Variants in OCA2 observed in about 807,000 individuals in gnomAD.
OCA2 encodes the protein OCA2 melanosomal transmembrane protein.
In OCA2, 77 loss-of-function variants were observed where a neutral mutation model predicts 100.2. The ratio of observed to expected loss-of-function variants is 0.77; its 90% confidence interval spans 0.64 to 0.93. OCA2 has a LOEUF of 0.93. Among genes scored for constraint, OCA2 ranks in the 40% least tolerant of loss-of-function variants. The pLI is 0.00. For missense variants in OCA2, 1,062 were observed against 1,089.1 expected, an observed-to-expected ratio of 0.98 and a Z score of 0.35; for synonymous variants, 432 against 439.2, an observed-to-expected ratio of 0.98 and a Z score of 0.21.
the OCA2 span, among the ~76,000 whole-genome samples, chr15:27,741,525 G>A: frequency 2.6e-5 from 4 of 152,340 alleles, no homozygotes; most frequent in South Asian, 6.2e-4. Context: ...TGCATCTGGC[G>A]GTGGGACAGA....
intron 2 of OCA2, among the ~76,000 whole-genome samples, chr15:28,055,298 T>C (rs1476693924): frequency 6.6e-6 from 1 of 152,220 alleles, no homozygotes; most frequent in African/African-American, 2.4e-5. Context: ...CGTGTTTCTC[T>C]TCACATATTT....
chr15:27,747,407 G>A, the OCA2 span, among the ~76,000 whole-genome samples: 3 of 152,208 alleles, frequency 2.0e-5, no homozygotes, highest in African/African-American at 7.2e-5. Context: ...TGACATTGTG[G>A]TGTATAACAG....
intron 14 of OCA2, among the ~76,000 whole-genome samples, chr15:27,978,683 G>A (rs935002522): frequency 1.2e-4 from 18 of 152,020 alleles, no homozygotes; most frequent in African/African-American, 3.9e-4. Flanking sequence ...GAGAGAGAGA[G>A]AGAGACATTT....
intron 2 of OCA2, among the ~76,000 whole-genome samples, chr15:28,032,783 ACT>A (rs1203873030): frequency 7.6e-6 from 1 of 132,368 alleles, no homozygotes; most frequent in African/African-American, 3.0e-5. Context: ...ACAGAGCGAG[ACT>A]CTGTCTCAAA....
At chr15:27,951,164 CT>C (rs2040014136) in intron 18 of OCA2, among the ~76,000 whole-genome samples, 1 of 152,160 alleles carries the variant, frequency 6.6e-6, no homozygotes, top group Non-Finnish European at 1.5e-5. Flanking sequence ...TGAGCTCCCC[CT>C]GAGAGAGCCA....
chr15:27,752,800 ACCCC>A (rs56383302), downstream of OCA2, among the ~76,000 whole-genome samples: 31,504 of 74,218 alleles, frequency 0.42, 2,562 homozygotes, highest in Middle Eastern at 0.56. Context: ...CTGGTCCCCC[ACCCC>A]CCCCCCCCCC....
intron 21 of OCA2, among the ~76,000 whole-genome samples, chr15:27,858,882 AG>A (rs1169535995): frequency 6.6e-6 from 1 of 152,076 alleles, no homozygotes; most frequent in East Asian, 1.9e-4. Context: ...ACTAGAAATC[AG>A]TAACAGAAGG....
intron 19 of OCA2, among the ~76,000 whole-genome samples, chr15:27,894,410 G>A (rs1373994147): frequency 2.0e-5 from 3 of 152,198 alleles, no homozygotes; most frequent in Non-Finnish European, 4.4e-5. Flanking sequence ...CAGGAATGTG[G>A]CCATAGAATT....
chr15:28,069,365 T>TCTCCCC (rs2044126659), intron 2 of OCA2, among the ~76,000 whole-genome samples: 1 of 7,344 alleles, frequency 1.4e-4, no homozygotes, highest in Non-Finnish European at 2.1e-4. Flanking sequence ...GCCCTCTCCC[T>TCTCCCC]CTCCCTCTCC....
intron 21 of OCA2, among the ~76,000 whole-genome samples, chr15:27,870,796 G>A (rs529109667): frequency 0.018 from 622 of 34,496 alleles, 6 homozygotes; most frequent in African/African-American, 0.076. Context: ...GAAAAAGAAA[G>A]AAAGAAAGAA....
chr15:27,792,605 G>A (rs146128803), intron 23 of OCA2, among the ~76,000 whole-genome samples: 4 of 152,188 alleles, frequency 2.6e-5, no homozygotes, highest in Admixed American at 6.5e-5. Context: ...TTTCCGAGAC[G>A]TGCACCCTCC....
At chr15:27,997,120 G>GAA (rs1465837536) in intron 9 of OCA2, among the ~76,000 whole-genome samples, 28 of 58,172 alleles carry the variant, frequency 4.8e-4, no homozygotes, top group Non-Finnish European at 1.4e-3. Context: ...AGAAAGGAAG[G>GAA]AAGGAAGGAA....
intron 23 of OCA2, among the ~76,000 whole-genome samples, chr15:27,787,631 TTTTCC>T (rs1380302456): frequency 2.0e-5 from 3 of 151,988 alleles, no homozygotes; most frequent in African/African-American, 4.8e-5. Context: ...AGGGTCTTCT[TTTTCC>T]TTTATTAGTC....
intron 23 of OCA2, among the ~76,000 whole-genome samples, chr15:27,770,546 G>A (rs74007361): frequency 0.034 from 5,096 of 148,566 alleles, 280 homozygotes; most frequent in African/African-American, 0.12. Flanking sequence ...TTCCTCCCTC[G>A]CCGCCGGGGA....
intron 9 of OCA2, among the ~76,000 whole-genome samples, chr15:28,004,629 C>T (rs950056954): frequency 2.0e-4 from 30 of 152,050 alleles, no homozygotes; most frequent in African/African-American, 7.0e-4. Context: ...CACACTGTGA[C>T]ACCCAGACAC....
intron 21 of OCA2, among the ~76,000 whole-genome samples, chr15:27,862,408 C>T (rs2036169820): frequency 6.6e-6 from 1 of 152,128 alleles, no homozygotes; most frequent in South Asian, 2.1e-4. Context: ...GTGCACAGCA[C>T]CCATACAAGG....
rs1444304096 is a variant in OCA2, at chr15:28,063,931, C to T, written c.227+17717G>A. On this transcript the variant is annotated intron_variant, in intron 2 of 23. Transcript: ENST00000354638. Reference sequence around the variant, plus strand: ...TGGATTTGAGATACTGTCTAGTGTGCTTTCATTTCAGCTTGAAAAACTCCC... The same window carrying T: ...TGGATTTGAGATACTGTCTAGTGTGTTTTCATTTCAGCTTGAAAAACTCCC... Among the ~76,000 whole-genome samples the T allele has an allele frequency of 1.3e-5, 2 of 152,030 alleles. 1 individual carries two copies. The highest frequency in any genetic ancestry group is 1.3e-4 in the Admixed American group (2 of 15,250).
At chr15:27,943,064 A>G (rs905885169) in intron 18 of OCA2, among the ~76,000 whole-genome samples, 1 of 152,216 alleles carries the variant, frequency 6.6e-6, no homozygotes, top group Non-Finnish European at 1.5e-5. Context: ...CTTTCCAGTA[A>G]GAGCTCCTCA....
At chr15:27,892,651 A>T (rs1232634194) in intron 19 of OCA2, among the ~76,000 whole-genome samples, 1 of 152,156 alleles carries the variant, frequency 6.6e-6, no homozygotes, top group Non-Finnish European at 1.5e-5. Context: ...CCTCAAAAAC[A>T]CTTGCCAAAA....
Sources: allele counts gnomAD v4.1 joint callset (sites outside exome capture counted in the v4.1 genomes callset), GRCh38; gene constraint gnomAD v4.1.1; transcripts MANE v1.5; gene names NCBI Gene and HGNC (gene_info 2026-07-23, HGNC 2026-07-21).